Variants in CNTNAP2 observed in about 807,000 individuals in gnomAD.
CNTNAP2 encodes the protein contactin-associated protein-like 2.
Under a neutral mutation model 155.2 loss-of-function variants are expected in CNTNAP2, and 98 were observed. That is an observed-to-expected ratio of 0.63 (90% CI 0.54 to 0.75). The LOEUF is 0.75. Among genes scored for constraint, CNTNAP2 ranks in the 30% least tolerant of loss-of-function variants. The probability of loss-of-function intolerance (pLI) is 0.00; values close to 1 mark genes in which losing one functional copy is unlikely to be tolerated. For missense variants in CNTNAP2, 1,727 were observed against 1,688.1 expected (o/e 1.02, Z -0.40); for synonymous variants, 651 against 631.2 (o/e 1.03, Z -0.47).
chr7:147,401,941 TAAAAC>T (rs1349893855), intron 10 of CNTNAP2, among the ~76,000 whole-genome samples: 1 of 145,678 alleles, frequency 6.9e-6, no homozygotes, highest in Non-Finnish European at 1.6e-5. Flanking sequence ...GAAAATGGAC[TAAAAC>T]AAAAGAGGTC....
At chr7:147,973,069 A>G (rs1801362004) in intron 14 of CNTNAP2, among the ~76,000 whole-genome samples, 1 of 151,210 alleles carries the variant, frequency 6.6e-6, no homozygotes, top group African/African-American at 2.4e-5. Context: ...AGGCAGGAGG[A>G]TCACTTGAAT....
At chr7:146,784,635 T>A (rs1252494756) in intron 2 of CNTNAP2, among the ~76,000 whole-genome samples, 1 of 152,198 alleles carries the variant, frequency 6.6e-6, no homozygotes, top group Non-Finnish European at 1.5e-5. Context: ...CCTACTTGTG[T>A]TCAATTGCCA....
intron 4 of CNTNAP2, chr7:147,083,105 C>T (rs777471715): frequency 3.3e-5 from 5 of 152,168 alleles, no homozygotes; most frequent in South Asian, 4.2e-4. Context: ...GGGATTGCCT[C>T]GGTTGACTTG....
chr7:146,199,817 C>T (rs1798831277), intron 1 of CNTNAP2, among the ~76,000 whole-genome samples: 1 of 152,148 alleles, frequency 6.6e-6, no homozygotes, highest in South Asian at 2.1e-4. Context: ...AAAAATTACA[C>T]ACAACTTCTC....
intron 11 of CNTNAP2, among the ~76,000 whole-genome samples, chr7:147,533,189 C>G (rs1333246195): frequency 1.3e-5 from 2 of 152,122 alleles, no homozygotes; most frequent in African/African-American, 4.8e-5. Context: ...TTATTTTGAT[C>G]TTAGAAAAAA....
chr7:148,387,195 G>A (rs1799231177), intron 22 of CNTNAP2, among the ~76,000 whole-genome samples: 1 of 152,134 alleles, frequency 6.6e-6, no homozygotes, highest in Admixed American at 6.5e-5. Context: ...AGTGGCTTCA[G>A]TTTAAAATGA....
chr7:146,453,607 A>G (rs983965335), intron 1 of CNTNAP2, among the ~76,000 whole-genome samples: 6 of 152,196 alleles, frequency 3.9e-5, no homozygotes, highest in African/African-American at 1.4e-4. Flanking sequence ...CAATCAATCA[A>G]TACTGACCAA....
chr7:147,295,519 T>C (rs1256573264), intron 8 of CNTNAP2, among the ~76,000 whole-genome samples: 1 of 152,160 alleles, frequency 6.6e-6, no homozygotes, highest in Non-Finnish European at 1.5e-5. Context: ...AAAAATTTTG[T>C]GAGGTATTAC....
chr7:146,672,462 G>C (rs1462607564), intron 1 of CNTNAP2, among the ~76,000 whole-genome samples: 1 of 152,110 alleles, frequency 6.6e-6, no homozygotes, highest in Non-Finnish European at 1.5e-5. Context: ...TGCCATCTCT[G>C]CATCTGCATG....
chr7:148,236,808 T>C (rs924580383), intron 20 of CNTNAP2, among the ~76,000 whole-genome samples: 1 of 152,222 alleles, frequency 6.6e-6, no homozygotes, highest in Non-Finnish European at 1.5e-5. Context: ...AAAGTAGGCT[T>C]GTCTTACATG....
At chr7:147,429,900 T>C (rs1797438336) in intron 10 of CNTNAP2, among the ~76,000 whole-genome samples, 1 of 152,206 alleles carries the variant, frequency 6.6e-6, no homozygotes, top group Non-Finnish European at 1.5e-5. Context: ...GGGTTCTCTA[T>C]TCTGTTCCAT....
At chr7:148,325,664 C>T (rs746347926) in intron 21 of CNTNAP2, among the ~76,000 whole-genome samples, 6 of 152,202 alleles carry the variant, frequency 3.9e-5, no homozygotes, top group Non-Finnish European at 7.3e-5. Context: ...ATCATGTAAA[C>T]ATAGAACTTT....
chr7:147,393,105 T>A (rs1442253477), intron 9 of CNTNAP2, among the ~76,000 whole-genome samples: 1 of 151,996 alleles, frequency 6.6e-6, no homozygotes, highest in South Asian at 2.1e-4. Flanking sequence ...CAGGCCTAAT[T>A]GATTATAGAA....
chr7:147,357,628 C>G (rs974712121), intron 9 of CNTNAP2, among the ~76,000 whole-genome samples: 1 of 152,080 alleles, frequency 6.6e-6, no homozygotes, highest in Non-Finnish European at 1.5e-5. Flanking sequence ...GATCAACAAA[C>G]CTATCCCACG....
chr7:147,066,163 A>G (rs542239085), intron 4 of CNTNAP2, among the ~76,000 whole-genome samples: 1 of 152,352 alleles, frequency 6.6e-6, no homozygotes, highest in East Asian at 1.9e-4. Context: ...TTATTTAATT[A>G]GAAAGAACAA....
chr7:147,925,170 G>GGAAGGAAA (rs1390957551), intron 14 of CNTNAP2, among the ~76,000 whole-genome samples: 5 of 145,030 alleles, frequency 3.4e-5, no homozygotes, highest in Non-Finnish European at 7.6e-5. Flanking sequence ...AAGGAAGGAA[G>GGAAGGAAA]GAAGGAAGGA....
At chr7:147,058,053 T>G in intron 4 of CNTNAP2, among the ~76,000 whole-genome samples, 1 of 152,202 alleles carries the variant, frequency 6.6e-6, no homozygotes, top group East Asian at 1.9e-4. Flanking sequence ...ACAACATTAC[T>G]TCTAAACATT....
chr7:147,295,271 G>C (rs534340746), intron 8 of CNTNAP2, among the ~76,000 whole-genome samples: 1 of 150,754 alleles, frequency 6.6e-6, no homozygotes, highest in Non-Finnish European at 1.5e-5. Context: ...GTGTGCATGC[G>C]TGTGTGTGTG....
At chr7:146,942,293 T>A (rs902603314) in intron 3 of CNTNAP2, among the ~76,000 whole-genome samples, 3 of 152,136 alleles carry the variant, frequency 2.0e-5, no homozygotes, top group Non-Finnish European at 2.9e-5. Flanking sequence ...TTATATATGC[T>A]GGAGCCTAAA....
Sources: gnomAD v4.1 joint callset for allele counts (sites outside exome capture counted in the v4.1 genomes callset) on GRCh38, gnomAD v4.1.1 for gene constraint, MANE v1.5 for transcripts, NCBI Gene and HGNC (gene_info 2026-07-23, HGNC 2026-07-21) for gene names.